Variants in PEX7 observed in about 807,000 individuals in gnomAD.
PEX7 encodes the protein PTS2 receptor.
A neutral mutation model predicts 47.5 loss-of-function variants in PEX7; 34 were observed. The ratio of observed to expected loss-of-function variants is 0.72; its 90% CI spans 0.54 to 0.95. The LOEUF (loss-of-function observed/expected upper bound fraction) is 0.95. PEX7 is among the 40% of genes least tolerant of loss of function. The pLI, the probability that PEX7 is intolerant of heterozygous loss-of-function variation, is 0.00. For missense variants in PEX7, 394 were observed against 400.3 expected (o/e 0.98, Z 0.13); for synonymous variants, 141 against 148.8 (o/e 0.95, Z 0.38).
intron 9 of PEX7, among the ~76,000 whole-genome samples, chr6:136,899,074 T>C (rs1775704522): frequency 7.7e-6 from 1 of 130,060 alleles, no homozygotes; most frequent in African/African-American, 2.8e-5. Context: ...GTTTTTTTTT[T>C]CTTTTCTTTT....
Position 136,866,623 on chromosome 6 carries a change from C to T in PEX7, c.527-4C>T. 6.2e-7 allele frequency: 1 copy of T among 1,611,876 alleles called. No individual in the cohort carries two copies. ...GGAAATGATCAAGTCTTCCTTTTTACTAGGTGATCAGACTCTGAGAATATG... is the reference window on the plus strand; with the variant it reads ...GGAAATGATCAAGTCTTCCTTTTTATTAGGTGATCAGACTCTGAGAATATG... On this transcript the variant is annotated splice_region_variant and splice_polypyrimidine_tract_variant and intron_variant, in intron 5 of 9. Transcript: ENST00000318471.
chr6:136,837,754 C>G (rs1378143547), intron 3 of PEX7, among the ~76,000 whole-genome samples: 1 of 152,030 alleles, frequency 6.6e-6, no homozygotes, highest in African/African-American at 2.4e-5. Flanking sequence ...GGGACTCTCA[C>G]TGGCCGAAGA....
intron 5 of PEX7, among the ~76,000 whole-genome samples, chr6:136,850,980 A>AT (rs1170511176): frequency 2.4e-3 from 98 of 41,430 alleles, no homozygotes; most frequent in South Asian, 7.7e-3. Context: ...TTTTTTTTTT[A>AT]TTTTTTTTTT....
intron 9 of PEX7, among the ~76,000 whole-genome samples, chr6:136,905,072 G>A (rs1180041533): frequency 1.3e-5 from 2 of 152,100 alleles, no homozygotes; most frequent in African/African-American, 2.4e-5. Flanking sequence ...ATTCTCCACT[G>A]TATCTTTCCT....
At chr6:136,882,175 C>CTTTTTTTTT (rs35653586) in intron 8 of PEX7, among the ~76,000 whole-genome samples, 76 of 104,308 alleles carry the variant, frequency 7.3e-4, no homozygotes, top group Non-Finnish European at 8.6e-4. Context: ...TCTTCTTCTT[C>CTTTTTTTTT]TTTTTTTTTT....
intron 5 of PEX7, among the ~76,000 whole-genome samples, chr6:136,865,007 T>G (rs1397833728): frequency 6.6e-6 from 1 of 152,246 alleles, no homozygotes; most frequent in Non-Finnish European, 1.5e-5. Context: ...GGTATATATA[T>G]TCTGGATTTT....
In PEX7 at chr6:136,827,144, T is replaced by A. The variant is rs368027817; in HGVS notation, c.339+675T>A. On this transcript the variant is annotated intron_variant, in intron 3 of 9. Transcript: ENST00000318471. ...AAAACTTGCTAATCTACTTTCAAAT[T>A]TTTGTCCACCACAGTGCCTGGCCCG... Among the ~76,000 whole-genome samples, 38 of 152,304 alleles carry A rather than the reference T, an allele frequency of 2.5e-4. 1 individual carries two copies. The South Asian group carries it at 7.5e-3, about 30-fold the overall frequency.
intron 3 of PEX7, among the ~76,000 whole-genome samples, chr6:136,833,167 G>A (rs1774324393): frequency 6.6e-6 from 1 of 152,118 alleles, no homozygotes; most frequent in Non-Finnish European, 1.5e-5. Flanking sequence ...CTGCATGACT[G>A]GGGAGGCCTT....
At chr6:136,837,220 C>T (rs999929950) in intron 3 of PEX7, among the ~76,000 whole-genome samples, 5 of 151,362 alleles carry the variant, frequency 3.3e-5, no homozygotes, top group Admixed American at 6.6e-5. Flanking sequence ...AAAAATTAGC[C>T]GGGTGTGGTG....
At chr6:136,893,119 GT>G (rs1357552332) in intron 8 of PEX7, among the ~76,000 whole-genome samples, 2 of 152,258 alleles carry the variant, frequency 1.3e-5, no homozygotes. Flanking sequence ...AATGAAAAAT[GT>G]TTATTAAAAT....
chr6:136,872,964 T>A (rs1267166562), intron 8 of PEX7, among the ~76,000 whole-genome samples: 13 of 152,220 alleles, frequency 8.5e-5, no homozygotes, highest in Non-Finnish European at 1.3e-4. Flanking sequence ...GTCTTTAGTT[T>A]GAATACTATA....
intron 1 of PEX7, among the ~76,000 whole-genome samples, chr6:136,823,606 C>T (rs1774128050): frequency 6.6e-6 from 1 of 152,028 alleles, no homozygotes; most frequent in Admixed American, 6.6e-5. Flanking sequence ...AGAAAAAAGG[C>T]CAAGCGCCGT....
rs1052621653 is a variant in PEX7 at position 136,822,730 on chromosome 6, C to T, written c.65C>T (p.Ala22Val). ...LRTPGRHGYA[A>V]EFSPYLPGRL... ...ACGCCGGGACGCCACGGCTACGCCG[C>T]CGAGTTCTCCCCGTACCTGCCGGGC... is the stretch of plus-strand genomic sequence containing the variant. Residue 22 changes from alanine (A) to valine (V), a missense_variant, in exon 1 of 10, where the codon GCC becomes GTC. Coordinates refer to ENST00000318471, the MANE Select transcript of PEX7 (RefSeq NM_000288.4). The T allele has an allele frequency of 4.6e-6, 7 of 1,512,600 alleles. No homozygotes were observed. In the African/African-American group the frequency reaches 1.0e-4, roughly 22 times the overall value. 93.7% of individuals were successfully genotyped at this position (1,512,600 alleles called of 1,614,324 possible).
intron 8 of PEX7, among the ~76,000 whole-genome samples, chr6:136,893,752 A>T (rs1025224708): frequency 2.0e-5 from 3 of 151,572 alleles, no homozygotes; most frequent in African/African-American, 7.2e-5. Flanking sequence ...TGATAAAAAC[A>T]CAACAAAAAT....
At chr6:136,823,432 C>T (rs773639988) in intron 1 of PEX7, 17 of 869,382 alleles carry the variant, frequency 2.0e-5, no homozygotes, top group African/African-American at 3.6e-5. Context: ...ATTGGCTCAG[C>T]CTGTGGTTAA....
chr6:136,913,798 A>C lies in PEX7; in HGVS notation c.*272A>C. The C allele has an allele frequency of 2.6e-6, 1 of 386,726 alleles. No individual in the cohort carries two copies. Among genetic ancestry groups the C allele is most frequent in the Non-Finnish European group, 4.7e-6 (1 of 213,372 alleles). 24.0% of individuals were successfully genotyped at this position (386,726 alleles called of 1,614,324 possible). A position where few individuals can be genotyped will look rare whatever the true frequency, so the allele number is the denominator to read the frequency against. ...TATTAAAATGTCTCTGGGTCATAAA[A>C]TGGATTAAAATATGGGAGATCAGTA... On this transcript the variant is annotated 3_prime_UTR_variant, in exon 10 of 10. Coordinates refer to ENST00000318471, the MANE Select transcript of PEX7 (RefSeq NM_000288.4).
At chr6:136,894,462 C>G (rs937004716) in intron 8 of PEX7, among the ~76,000 whole-genome samples, 1 of 152,098 alleles carries the variant, frequency 6.6e-6, no homozygotes, top group African/African-American at 2.4e-5. Flanking sequence ...TAGTGGCGTG[C>G]GCCTGTAATT....
chr6:136,886,058 GA>G (rs1775462992), intron 8 of PEX7, among the ~76,000 whole-genome samples: 1 of 152,210 alleles, frequency 6.6e-6, no homozygotes, highest in Non-Finnish European at 1.5e-5. Context: ...GATGGTGACA[GA>G]AGGCTGTCTC....
chr6:136,854,950 T>C lies in PEX7; in HGVS notation c.526+8769T>C, dbSNP rs1774831741. On this transcript the variant is annotated intron_variant, in intron 5 of 9. Coordinates refer to ENST00000318471, the MANE Select transcript of PEX7 (RefSeq NM_000288.4). Reference sequence around the variant, plus strand: ...CAAAAATACAAAAATTAGCCGGGCATGGTGGCACACACCTGTAATCCCAGC... The same window carrying C: ...CAAAAATACAAAAATTAGCCGGGCACGGTGGCACACACCTGTAATCCCAGC... 2.0e-5 allele frequency among the ~76,000 whole-genome samples: 3 copies of C among 152,140 alleles called. No homozygotes were observed. The East Asian group carries it at 5.8e-4, about 30-fold the overall frequency.
Sources: gnomAD v4.1 joint callset for allele counts (sites outside exome capture counted in the v4.1 genomes callset) on GRCh38, gnomAD v4.1.1 for gene constraint, MANE v1.5 for transcripts, NCBI Gene and HGNC (gene_info 2026-07-23, HGNC 2026-07-21) for gene names.